Variants in NYAP2 observed in about 807,000 individuals in gnomAD.
NYAP2 encodes neuronal tyrosine-phosphorylated phosphoinositide-3-kinase adaptor 2.
A neutral mutation model predicts 50.4 loss-of-function variants in NYAP2; 23 were observed. That is an observed-to-expected ratio of 0.46 (90% CI 0.33 to 0.65). The LOEUF is 0.65. NYAP2 is among the 30% of genes least tolerant of loss of function. The probability of loss-of-function intolerance (pLI) is 0.02; values close to 1 mark genes in which losing one functional copy is unlikely to be tolerated. For missense variants in NYAP2, 885 were observed against 861.0 expected (o/e 1.03, Z -0.35); for synonymous variants, 394 against 365.2 (o/e 1.08, Z -0.90).
At chr2:225,590,451 T>C (rs931857225) in intron 5 of NYAP2, among the ~76,000 whole-genome samples, 14 of 152,334 alleles carry the variant, frequency 9.2e-5, no homozygotes, top group African/African-American at 3.1e-4. Flanking sequence ...AAAATACAGA[T>C]TGCTGGGCTT....
chr2:225,445,779 A>G (rs1689543065), intron 3 of NYAP2, among the ~76,000 whole-genome samples: 1 of 152,178 alleles, frequency 6.6e-6, no homozygotes. Flanking sequence ...AAAATATTAC[A>G]AAGAAGAAAT....
intron 3 of NYAP2, among the ~76,000 whole-genome samples, chr2:225,460,877 C>A (rs985452238): frequency 2.6e-5 from 4 of 151,254 alleles, no homozygotes; most frequent in African/African-American, 9.7e-5. Flanking sequence ...CCTGTAGGCC[C>A]AGCTACTCGG....
chr2:225,588,350 G>GA (rs763059917), intron 5 of NYAP2, among the ~76,000 whole-genome samples: 77 of 145,092 alleles, frequency 5.3e-4, no homozygotes, highest in African/African-American at 1.3e-3. Flanking sequence ...GACCTTCTTA[G>GA]AAAAAAAAAA....
At chr2:225,673,865 C>T in the NYAP2 span, among the ~76,000 whole-genome samples, 2 of 152,088 alleles carry the variant, frequency 1.3e-5, no homozygotes, top group South Asian at 2.1e-4. Flanking sequence ...AGAACAAAGC[C>T]GTCTACAGTC....
intron 3 of NYAP2, among the ~76,000 whole-genome samples, chr2:225,480,049 T>C (rs1690179891): frequency 6.6e-6 from 1 of 152,116 alleles, no homozygotes; most frequent in African/African-American, 2.4e-5. Flanking sequence ...TCAATCAAAG[T>C]ATGTATTACT....
At chr2:225,628,716 C>T (rs1693256543) in intron 6 of NYAP2, among the ~76,000 whole-genome samples, 1 of 152,090 alleles carries the variant, frequency 6.6e-6, no homozygotes, top group African/African-American at 2.4e-5. Flanking sequence ...TGGGGCTTAT[C>T]AGTAGTTTTA....
Position 225,518,596 on chromosome 2 carries a change from A to G in NYAP2, c.523+4924A>G, listed in dbSNP as rs1355983234. 2.1e-5 allele frequency among the ~76,000 whole-genome samples: 3 copies of G among 141,002 alleles called. 1 individual carries two copies. Among genetic ancestry groups the G allele is most frequent in the African/African-American group, 7.7e-5 (3 of 38,924 alleles). The allele number at this position is 141,002 out of a possible 152,430, so 92.5% of individuals were successfully genotyped here. A position where few individuals can be genotyped will look rare whatever the true frequency, so the allele number is the denominator to read the frequency against. On this transcript the variant is annotated intron_variant, in intron 4 of 6. Transcript: ENST00000636099. ...AGCGTGTGCGCTTATATATATATAT[A>G]TATATATATTAGCTTGTGAGCTTAT... is the stretch of plus-strand genomic sequence containing the variant.
At chr2:225,521,473 T>G (rs1202132531) in intron 4 of NYAP2, among the ~76,000 whole-genome samples, 1 of 152,038 alleles carries the variant, frequency 6.6e-6, no homozygotes, top group Non-Finnish European at 1.5e-5. Context: ...ATTGAGAGTT[T>G]TTAGCATGAA....
chr2:225,531,112 C>T (rs186886100), intron 4 of NYAP2, among the ~76,000 whole-genome samples: 1 of 152,308 alleles, frequency 6.6e-6, no homozygotes, highest in East Asian at 1.9e-4. Context: ...GTGTGACTAT[C>T]CTGCTTATCA....
At chr2:225,634,531 G>C (rs1693378371) in intron 6 of NYAP2, among the ~76,000 whole-genome samples, 1 of 152,036 alleles carries the variant, frequency 6.6e-6, no homozygotes, top group South Asian at 2.1e-4. Context: ...GTGAAAAACA[G>C]ATGTGGATTT....
intron 3 of NYAP2, among the ~76,000 whole-genome samples, chr2:225,439,561 C>T (rs570438649): frequency 6.6e-6 from 1 of 152,180 alleles, no homozygotes; most frequent in South Asian, 2.1e-4. Context: ...GACACCAAGG[C>T]AATGAGAGAC....
At chr2:225,510,617 T>G (rs73082980) in intron 3 of NYAP2, among the ~76,000 whole-genome samples, 1,710 of 152,322 alleles carry the variant, frequency 0.011, 32 homozygotes, top group African/African-American at 0.039. Context: ...ACCTTTACTG[T>G]TTGTCCCTAG....
intron 4 of NYAP2, among the ~76,000 whole-genome samples, chr2:225,546,705 A>T (rs138691267): frequency 7.2e-5 from 11 of 152,120 alleles, no homozygotes; most frequent in Admixed American, 1.3e-4. Flanking sequence ...TGGCACCTAA[A>T]ATGAAAGACT....
At chr2:225,632,476 T>A (rs557948367) in intron 6 of NYAP2, among the ~76,000 whole-genome samples, 6 of 152,364 alleles carry the variant, frequency 3.9e-5, no homozygotes, top group Non-Finnish European at 8.8e-5. Context: ...GTTTAGCCAC[T>A]TGAAATGGTT....
intron 3 of NYAP2, among the ~76,000 whole-genome samples, chr2:225,474,874 T>A (rs1690077851): frequency 6.6e-6 from 1 of 152,246 alleles, no homozygotes; most frequent in Non-Finnish European, 1.5e-5. Context: ...AGAGAGGGCA[T>A]CCCTGTCTTG....
intron 4 of NYAP2, among the ~76,000 whole-genome samples, chr2:225,521,754 G>T (rs1178515757): frequency 1.3e-5 from 2 of 151,964 alleles, no homozygotes; most frequent in Admixed American, 6.6e-5. Context: ...TTGTGTCTCT[G>T]CTTGGCTTTG....
chr2:225,511,379 G>C (rs1051508302), intron 3 of NYAP2, among the ~76,000 whole-genome samples: 15 of 148,412 alleles, frequency 1.0e-4, no homozygotes, highest in South Asian at 2.1e-4. Context: ...CACACAGAGA[G>C]AGAGAGAGAG....
intron 3 of NYAP2, among the ~76,000 whole-genome samples, chr2:225,440,626 A>G (rs191401331): frequency 6.6e-6 from 1 of 152,336 alleles, no homozygotes; most frequent in East Asian, 1.9e-4. Context: ...GACAAGATCA[A>G]GGAGAGAGTG....
Position 225,582,304 on chromosome 2 carries a change from G to A in NYAP2, c.887G>A (p.Cys296Tyr). Reference sequence around the variant, plus strand: ...GACCATCACAGCTGTTCTTCGCAGTGTGCTACTCCCACGGTGCCTGACTTG... The same window carrying A: ...GACCATCACAGCTGTTCTTCGCAGTATGCTACTCCCACGGTGCCTGACTTG... The change falls in exon 5 of 7, where the codon TGT (cysteine) becomes TAT (tyrosine). Residue 296 changes from cysteine (C) to tyrosine (Y), a missense_variant. Coordinates refer to ENST00000636099, the Ensembl canonical transcript of NYAP2. The surrounding 1 kb of genome is among the most constrained non-coding windows in gnomAD (Gnocchi z 7.0). 6.2e-7 allele frequency: 1 copy of A among 1,614,018 alleles called. No homozygotes were observed. Among genetic ancestry groups the A allele is most frequent in the Non-Finnish European group, 8.5e-7 (1 of 1,179,890 alleles).
Sources: allele counts gnomAD v4.1 joint callset (sites outside exome capture counted in the v4.1 genomes callset), GRCh38; gene constraint gnomAD v4.1.1; non-coding constraint Gnocchi (gnomAD v3.1); transcripts MANE v1.5; gene names NCBI Gene and HGNC (gene_info 2026-07-23, HGNC 2026-07-21).